The following MAP3K15 variants were observed in gnomAD, a reference collection of about 807,000 sequenced individuals.
The protein encoded by MAP3K15 is MAPK/ERK kinase kinase 15.
In MAP3K15, 124 loss-of-function variants were observed where a neutral mutation model predicts 99.5. The ratio of observed to expected loss-of-function variants is 1.25; its 90% confidence interval spans 1.08 to 1.45. MAP3K15 has a LOEUF of 1.45. Among genes scored for constraint, MAP3K15 ranks in the 40% most tolerant of loss-of-function variants. MAP3K15 has a pLI of 0.00. For synonymous variants in MAP3K15, 494 were observed against 439.6 expected (o/e 1.12, Z -1.55); for missense variants, 1,242 against 1,079.7 (o/e 1.15, Z -2.11).
At chrX:19,368,371 C>T (rs1330975008) in intron 25 of MAP3K15, among the ~76,000 whole-genome samples, 1 of 112,379 alleles carries the variant, frequency 8.9e-6, no homozygotes, top group Non-Finnish European at 1.9e-5. Context: ...AAACTCTTGA[C>T]CTTAAGTGAT....
chrX:19,463,836 G>A lies in MAP3K15; in HGVS notation c.719+377C>T, dbSNP rs150260167. 9.8e-4 allele frequency among the ~76,000 whole-genome samples: 109 copies of A among 110,730 alleles called. 1 individual carries two copies. The East Asian group carries it at 0.017, about 17-fold the overall frequency. On this transcript the variant is annotated intron_variant, in intron 4 of 28. Transcript: ENST00000338883. ...ATATATGAAGAGCCCCAACAGCCAC[G>A]CGAGTGTAAAGCCATGCTCAGAAAT...
intron 3 of MAP3K15, among the ~76,000 whole-genome samples, chrX:19,476,257 C>A (rs1332584075): frequency 8.9e-6 from 1 of 111,956 alleles, no homozygotes; most frequent in Non-Finnish European, 1.9e-5. Context: ...GATTTCTGAG[C>A]ACTTTCAGAA....
chrX:19,481,276 G>GTT (rs768260738), intron 3 of MAP3K15, among the ~76,000 whole-genome samples: 2 of 104,284 alleles, frequency 1.9e-5, no homozygotes, highest in Non-Finnish European at 3.9e-5. Context: ...TGACAAGACA[G>GTT]TTTTTTTTTT....
chrX:19,412,214 G>A (rs751384938), intron 11 of MAP3K15, among the ~76,000 whole-genome samples: 2 of 112,154 alleles, frequency 1.8e-5, no homozygotes, highest in South Asian at 7.4e-4. Flanking sequence ...TTCCACGGTG[G>A]CTTTAGAGAA....
At chrX:19,378,596 C>T (rs1372238208) in intron 19 of MAP3K15, among the ~76,000 whole-genome samples, 2 of 111,223 alleles carry the variant, frequency 1.8e-5, no homozygotes, top group East Asian at 2.8e-4. Context: ...TTATCCCCAC[C>T]GGGTCCCTCC....
intron 6 of MAP3K15, among the ~76,000 whole-genome samples, chrX:19,442,524 ATTTTT>A (rs11349966): frequency 7.8e-5 from 6 of 76,960 alleles, no homozygotes; most frequent in Non-Finnish European, 1.3e-4. Flanking sequence ...CCATTCAACA[ATTTTT>A]TTTTTTTTTT....
chrX:19,400,747 C>G, intron 13 of MAP3K15, 84 bp from the exon 14 acceptor site: 1 of 638,730 alleles, frequency 1.6e-6, no homozygotes, highest in Middle Eastern at 3.3e-4. Context: ...TTAAACTGTA[C>G]TTAAATATAA....
At chrX:19,490,802 T>G (rs1056267355) in intron 1 of MAP3K15, among the ~76,000 whole-genome samples, 3 of 108,249 alleles carry the variant, frequency 2.8e-5, no homozygotes, top group Admixed American at 1.0e-4. Context: ...CACCCTGTAA[T>G]AGAGACCTAT....
chrX:19,418,562 T>C (rs758626233), intron 9 of MAP3K15, among the ~76,000 whole-genome samples: 1 of 110,056 alleles, frequency 9.1e-6, no homozygotes, highest in East Asian at 2.9e-4. Flanking sequence ...CTACATCTGA[T>C]TGGTGTACCT....
At chrX:19,475,613 C>T (rs759655191) in intron 3 of MAP3K15, among the ~76,000 whole-genome samples, 5 of 111,016 alleles carry the variant, frequency 4.5e-5, no homozygotes, top group Admixed American at 9.6e-5. Context: ...AAGCTCTCCA[C>T]GAATAAACAG....
At chrX:19,445,594 A>C in intron 6 of MAP3K15, among the ~76,000 whole-genome samples, 1 of 106,440 alleles carries the variant, frequency 9.4e-6, no homozygotes, top group African/African-American at 3.4e-5. Flanking sequence ...TGTCTCAAAA[A>C]AAAAAAAAAA....
At chrX:19,477,817 GGGGGAGAGAGGGAGAGGGAGGGAGGGAT>G (rs1216808735) in intron 3 of MAP3K15, among the ~76,000 whole-genome samples, 3 of 3,231 alleles carry the variant, frequency 9.3e-4, no homozygotes, top group African/African-American at 1.5e-3. Flanking sequence ...GGGAGGGACG[GGGGGAGAGAGGGAGAGGGAGGGAGGGAT>G]GGGGAGAGAG....
At chrX:19,370,780 C>T (rs956309453) in intron 24 of MAP3K15, among the ~76,000 whole-genome samples, 179 bp downstream of exon 24, 2 of 111,865 alleles carry the variant, frequency 1.8e-5, no homozygotes, top group African/African-American at 6.5e-5. Flanking sequence ...TACAGCACCA[C>T]GAGATGCTCT....
At chrX:19,360,882 G>C (rs751191482) in intron 28 of MAP3K15, 49 bp from the exon 29 acceptor site, 3 of 999,897 alleles carry the variant, frequency 3.0e-6, no homozygotes, top group Non-Finnish European at 4.2e-6. Flanking sequence ...CAAGCCAACA[G>C]AGCTTAAAAC....
intron 23 of MAP3K15, 115 bp downstream of exon 23, chrX:19,371,230 T>C (rs2147213662): frequency 2.3e-6 from 2 of 876,959 alleles, no homozygotes; most frequent in East Asian, 6.2e-5. Flanking sequence ...TAGGAGGAGC[T>C]GCTGAAGCTT....
chrX:19,426,841 A>AAAAAAAAAAAAAAAAAAT (rs1185747831), intron 7 of MAP3K15, among the ~76,000 whole-genome samples: 1 of 107,059 alleles, frequency 9.3e-6, no homozygotes, highest in African/African-American at 3.5e-5. Flanking sequence ...AAAAAAAAAA[A>AAAAAAAAAAAAAAAAAAT]AAGTCATAAT....
In MAP3K15 at chrX:19,360,768, T is replaced by TCTGAGGCCTC; in HGVS notation, c.3913_3922dup (p.Glu1308GlyfsTer15). ...TTGGTATCAAGCCTTGTCTTTGGTTTCTGAGGCCTCCTGAGCCCTTCTGTA... is the reference window on the plus strand; with the variant it reads ...TTGGTATCAAGCCTTGTCTTTGGTTTCTGAGGCCTCCTGAGGCCTCCTGAGCCCTTCTGTA... On this transcript the variant is annotated frameshift_variant, in exon 29 of 29. Transcript: ENST00000338883. LOFTEE classifies it high-confidence loss of function. 8.3e-7 allele frequency: 1 copy of TCTGAGGCCTC among 1,209,384 alleles called. No individual in the cohort carries two copies. The highest frequency in any genetic ancestry group is 1.1e-6 in the Non-Finnish European group (1 of 894,115).
intron 6 of MAP3K15, among the ~76,000 whole-genome samples, chrX:19,453,918 C>T (rs1414608348): frequency 9.0e-6 from 1 of 111,337 alleles, no homozygotes; most frequent in Non-Finnish European, 1.9e-5. Context: ...GTAGAGATGA[C>T]GAGCTCACTC....
chrX:19,433,068 T>C (rs765905084), intron 6 of MAP3K15, among the ~76,000 whole-genome samples: 2 of 111,969 alleles, frequency 1.8e-5, no homozygotes, highest in South Asian at 7.5e-4. Context: ...AAATGGTATG[T>C]CTTTGCTTTG....
Sources: gnomAD v4.1 joint callset for allele counts (sites outside exome capture counted in the v4.1 genomes callset) on GRCh38, gnomAD v4.1.1 for gene constraint, MANE v1.5 for transcripts, NCBI Gene and HGNC (gene_info 2026-07-23, HGNC 2026-07-21) for gene names.